The following ALDH9A1 variants were observed in gnomAD, a reference collection of about 807,000 sequenced individuals.
The protein encoded by ALDH9A1 is aldehyde dehydrogenase 9 family member A1, also known as 4-trimethylaminobutyraldehyde dehydrogenase.
A neutral mutation model predicts 56.6 loss-of-function variants in ALDH9A1; 42 were observed. That is an observed-to-expected ratio of 0.74 (90% CI 0.58 to 0.96). The LOEUF is 0.96. ALDH9A1 is among the 40% of genes least tolerant of loss of function. ALDH9A1 has a pLI of 0.00. For missense variants in ALDH9A1, 661 were observed against 651.5 expected (o/e 1.01, Z -0.16); for synonymous variants, 242 against 236.0 (o/e 1.03, Z -0.23).
chr1:165,682,449 T>C (rs74711910), intron 3 of ALDH9A1, among the ~76,000 whole-genome samples: 2 of 152,222 alleles, frequency 1.3e-5, no homozygotes, highest in Non-Finnish European at 2.9e-5. Context: ...GAACCCTGCC[T>C]ATCCTTCAAA....
chr1:165,674,821 C>A (rs1221717187), intron 6 of ALDH9A1, among the ~76,000 whole-genome samples: 2 of 152,058 alleles, frequency 1.3e-5, no homozygotes, highest in African/African-American at 4.8e-5. Context: ...CAGCATTATT[C>A]ACAATAACCA....
At chr1:165,695,871 GA>G in intron 1 of ALDH9A1, among the ~76,000 whole-genome samples, 1 of 150,664 alleles carries the variant, frequency 6.6e-6, no homozygotes, top group South Asian at 2.1e-4. Context: ...TGTTTTTTAA[GA>G]CGGAGTCTCG....
At chr1:165,666,293 C>T (rs1030121698) in intron 9 of ALDH9A1, among the ~76,000 whole-genome samples, 11 of 152,098 alleles carry the variant, frequency 7.2e-5, no homozygotes, top group African/African-American at 2.4e-4. Context: ...AAGGTTTCTT[C>T]TTGAGATGAT....
chr1:165,665,842 G>C (rs1469065755), intron 9 of ALDH9A1, among the ~76,000 whole-genome samples: 1 of 152,098 alleles, frequency 6.6e-6, no homozygotes, highest in African/African-American at 2.4e-5. Flanking sequence ...ATTTGGAAGA[G>C]TTTAGCAGTT....
At chr1:165,678,271 A>G (rs1239708506) in intron 6 of ALDH9A1, among the ~76,000 whole-genome samples, 2 of 147,490 alleles carry the variant, frequency 1.4e-5, no homozygotes, top group African/African-American at 5.0e-5. Context: ...GAGGCAGAGG[A>G]TGCAGTGAGC....
intron 6 of ALDH9A1, 94 bp downstream of exon 6, chr1:165,679,348 T>C (rs1649468357): frequency 7.1e-7 from 1 of 1,418,122 alleles, no homozygotes; most frequent in South Asian, 1.4e-5. Context: ...TTTCTGTAAG[T>C]CTGAAAGTAT....
chr1:165,697,663 G>A (rs1650132690), intron 1 of ALDH9A1, among the ~76,000 whole-genome samples: 1 of 152,210 alleles, frequency 6.6e-6, no homozygotes, highest in South Asian at 2.1e-4. Context: ...CCACAACCCC[G>A]CCCCGTTCTT....
At chr1:165,698,132 G>T in intron 1 of ALDH9A1, 1 of 1,071,774 alleles carries the variant, frequency 9.3e-7, no homozygotes, top group Middle Eastern at 3.2e-4. Context: ...GTTCTGGCCC[G>T]GGTAAAACAA....
At chr1:165,675,754 T>C (rs766979512) in intron 6 of ALDH9A1, among the ~76,000 whole-genome samples, 9 of 152,204 alleles carry the variant, frequency 5.9e-5, no homozygotes, top group Non-Finnish European at 1.2e-4. Context: ...ATGAGTATCA[T>C]AACCACACTG....
intron 2 of ALDH9A1, among the ~76,000 whole-genome samples, chr1:165,683,824 T>G (rs1649628383): frequency 6.6e-6 from 1 of 152,212 alleles, no homozygotes; most frequent in Admixed American, 6.5e-5. Flanking sequence ...TTTAGGAAAT[T>G]AGACCTAAGA....
At chr1:165,689,837 G>A (rs1318903100) in intron 2 of ALDH9A1, among the ~76,000 whole-genome samples, 1 of 151,744 alleles carries the variant, frequency 6.6e-6, no homozygotes, top group African/African-American at 2.4e-5. Flanking sequence ...AGGAGTCTGA[G>A]GCAGGAGAAT....
chr1:165,694,792 C>T (rs1352962016), intron 2 of ALDH9A1, among the ~76,000 whole-genome samples: 4 of 151,676 alleles, frequency 2.6e-5, no homozygotes, highest in Non-Finnish European at 5.9e-5. Context: ...TCCATCTCTA[C>T]GAAAAATACA....
intron 2 of ALDH9A1, among the ~76,000 whole-genome samples, 154 bp from the exon 3 acceptor site, chr1:165,683,264 T>G (rs553040335): frequency 2.6e-5 from 4 of 152,172 alleles, no homozygotes; most frequent in Admixed American, 2.0e-4. Flanking sequence ...AGAAGAGAGA[T>G]AAAGGCTTAT....
At chr1:165,694,932 G>A (rs1395951813) in intron 2 of ALDH9A1, among the ~76,000 whole-genome samples, 1 of 150,852 alleles carries the variant, frequency 6.6e-6, no homozygotes, top group African/African-American at 2.4e-5. Context: ...CTCCAGCCTG[G>A]GCGACAGAGC....
At chr1:165,663,828 C>G (rs1648918242) in intron 10 of ALDH9A1, among the ~76,000 whole-genome samples, 1 of 152,244 alleles carries the variant, frequency 6.6e-6, no homozygotes, top group African/African-American at 2.4e-5. Flanking sequence ...GAAAACCTCA[C>G]TCTGTCTTTT....
At position 165,694,963 on chromosome 1, in the gene ALDH9A1, A is replaced by T. The variant is rs537073874; in HGVS notation, c.327+289T>A. On this transcript the variant is annotated intron_variant, in intron 2 of 10. Transcript: ENST00000354775. The stretch of plus-strand genomic sequence containing the variant: ...AGAGCAAGATTCCGTCTCAAAAAAA[A>T]AAAAAAATAAAAATAAAAAAAGGAC... 3.6e-4 allele frequency among the ~76,000 whole-genome samples: 54 copies of T among 151,558 alleles called. 2 individuals carry two copies. The South Asian group carries it at 3.9e-3, about 11-fold the overall frequency.
intron 5 of ALDH9A1, among the ~76,000 whole-genome samples, chr1:165,680,251 G>A (rs1392019110): frequency 6.6e-6 from 1 of 152,146 alleles, no homozygotes; most frequent in Non-Finnish European, 1.5e-5. Context: ...TCCTTAGGCT[G>A]GGGCTGTTAA....
rs140287321 is a variant in ALDH9A1, at chr1:165,670,685, A to G, written c.931-1235T>C. 8.3e-4 allele frequency among the ~76,000 whole-genome samples: 126 copies of G among 152,344 alleles called. 1 individual carries two copies. The highest frequency in any genetic ancestry group is 2.8e-3 in the African/African-American group (118 of 41,578). On this transcript the variant is annotated intron_variant, in intron 6 of 10. Transcript: ENST00000354775. ...CACTAATTTTAAAAAACTCTTAACA[A>G]TTAATGGAAAATCATATCTCATAAT... is the stretch of plus-strand genomic sequence containing the variant.
chr1:165,697,300 T>C (rs890581498), intron 1 of ALDH9A1, among the ~76,000 whole-genome samples: 8 of 152,228 alleles, frequency 5.3e-5, no homozygotes, highest in African/African-American at 1.7e-4. Context: ...TACTGCATCA[T>C]ATACTTGAAA....
Sources: allele counts gnomAD v4.1 joint callset (sites outside exome capture counted in the v4.1 genomes callset), GRCh38; gene constraint gnomAD v4.1.1; transcripts MANE v1.5; gene names NCBI Gene and HGNC (gene_info 2026-07-23, HGNC 2026-07-21).